Variants in TGFBR3 observed in about 807,000 individuals in gnomAD.
The protein encoded by TGFBR3 is transforming growth factor beta receptor 3, also known as transforming growth factor beta receptor type 3.
In TGFBR3, 46 loss-of-function variants were observed where a neutral mutation model predicts 87.9. The ratio of observed to expected loss-of-function variants is 0.52; its 90% CI spans 0.41 to 0.67. TGFBR3 has a LOEUF of 0.67. TGFBR3 is among the 30% of genes least tolerant of loss of function. TGFBR3 has a pLI of 0.00. For synonymous variants in TGFBR3, 381 were observed against 391.6 expected (o/e 0.97, Z 0.32); for missense variants, 866 against 1,041.9 (o/e 0.83, Z 2.32).
upstream of TGFBR3, among the ~76,000 whole-genome samples, chr1:91,889,605 T>C (rs956962258): frequency 3.3e-5 from 5 of 152,174 alleles, no homozygotes; most frequent in African/African-American, 1.2e-4. Context: ...AGACGAAAGG[T>C]TTAAAATAAA....
intron 3 of TGFBR3, among the ~76,000 whole-genome samples, chr1:91,768,821 G>A (rs284186): frequency 0.55 from 82,790 of 151,182 alleles, 23,225 homozygotes; most frequent in Middle Eastern, 0.6. Flanking sequence ...ACCCAGTCTC[G>A]GGTATTTCTT....
chr1:91,800,328 A>ATGTGTGTG (rs386417805), intron 2 of TGFBR3, among the ~76,000 whole-genome samples: 45 of 122,624 alleles, frequency 3.7e-4, no homozygotes, highest in African/African-American at 1.1e-3. Context: ...ATATATGTGT[A>ATGTGTGTG]TATGTGTGTG....
chr1:91,729,867 G>C lies in TGFBR3; in HGVS notation c.675C>G (p.Ser225Arg), dbSNP rs1421440617. 1 of 1,614,056 alleles carries C rather than the reference G, an allele frequency of 6.2e-7. No individual in the cohort carries two copies. The highest frequency in any genetic ancestry group is 8.5e-7 in the Non-Finnish European group (1 of 1,180,036). ...PKAAEGCVMS[S>R]QPQNEEVHII... ...TGTGTACTTCCTCATTCTGGGGCTGGCTGGACATCACACACCCTTCTGCTG... is the reference window on the plus strand; with the variant it reads ...TGTGTACTTCCTCATTCTGGGGCTGCCTGGACATCACACACCCTTCTGCTG... The change falls in exon 6 of 17, where the codon AGC becomes AGG. Residue 225 changes from serine (S) to arginine (R), a missense_variant. Transcript: ENST00000212355.
intron 2 of TGFBR3, among the ~76,000 whole-genome samples, chr1:91,811,739 G>A (rs577990892): frequency 3.3e-5 from 5 of 152,252 alleles, no homozygotes; most frequent in African/African-American, 1.2e-4. Flanking sequence ...TTAAAACTGG[G>A]ATAAATGAGA....
intron 13 of TGFBR3, among the ~76,000 whole-genome samples, chr1:91,711,135 T>G (rs1671965677): frequency 1.3e-5 from 2 of 152,188 alleles, no homozygotes; most frequent in Admixed American, 1.3e-4. Context: ...TCTCTACCAC[T>G]GTCCACTAAG....
At chr1:91,856,971 T>G (rs749129136) in intron 2 of TGFBR3, among the ~76,000 whole-genome samples, 7 of 152,234 alleles carry the variant, frequency 4.6e-5, no homozygotes, top group Non-Finnish European at 8.8e-5. Context: ...GTACAAATTA[T>G]TAACCAAACT....
chr1:91,712,703 A>G (rs1613413), intron 12 of TGFBR3, among the ~76,000 whole-genome samples, 161 bp from the exon 13 acceptor site: 142,244 of 152,254 alleles, frequency 0.93, 66,547 homozygotes, highest in South Asian at 0.95. Flanking sequence ...ACACACACAC[A>G]TTGAAAGAAA....
intron 4 of TGFBR3, among the ~76,000 whole-genome samples, chr1:91,746,937 A>G (rs759054998): frequency 1.3e-5 from 2 of 152,162 alleles, no homozygotes; most frequent in Non-Finnish European, 1.5e-5. Flanking sequence ...TCAGTAGTGT[A>G]GGGTAGACAC....
intron 3 of TGFBR3, among the ~76,000 whole-genome samples, chr1:91,780,232 G>A (rs1674712098): frequency 6.6e-6 from 1 of 152,114 alleles, no homozygotes; most frequent in African/African-American, 2.4e-5. Context: ...ATCACAGTCA[G>A]GAATACCACA....
intron 6 of TGFBR3, among the ~76,000 whole-genome samples, chr1:91,728,644 C>T (rs1231415038): frequency 6.6e-6 from 1 of 152,202 alleles, no homozygotes; most frequent in Admixed American, 6.5e-5. Context: ...GAAGCACATT[C>T]ACCAGACTGC....
chr1:91,886,156 C>G (rs552219551), upstream of TGFBR3: 5 of 454,102 alleles, frequency 1.1e-5, no homozygotes, highest in East Asian at 7.0e-5. Flanking sequence ...TCGATTACCC[C>G]CATCAGGCCG....
chr1:91,778,056 T>G (rs1017976925), intron 3 of TGFBR3, among the ~76,000 whole-genome samples: 1 of 152,118 alleles, frequency 6.6e-6, no homozygotes, highest in African/African-American at 2.4e-5. Context: ...AAATTTTTAC[T>G]GTGCAAGGCA....
chr1:91,730,961 C>T lies in TGFBR3; in HGVS notation c.569-988G>A, dbSNP rs148688596. Among the ~76,000 whole-genome samples, 33 of 152,380 alleles carry T rather than the reference C, an allele frequency of 2.2e-4. 1 individual carries two copies. The highest frequency in any genetic ancestry group is 5.5e-4 in the African/African-American group (23 of 41,596). ...CCAGAATCTGAAGACACTCCCACAA[C>T]GGCACATGCCATTTACACAGCACGG... On this transcript the variant is annotated intron_variant, in intron 5 of 16. Coordinates refer to ENST00000212355, the MANE Select transcript of TGFBR3 (RefSeq NM_003243.5).
At chr1:91,735,488 A>G (rs1672936326) in intron 4 of TGFBR3, among the ~76,000 whole-genome samples, 1 of 152,258 alleles carries the variant, frequency 6.6e-6, no homozygotes, top group African/African-American at 2.4e-5. Flanking sequence ...CAGCACTGAG[A>G]TAAAAATGGC....
At chr1:91,703,202 G>A (rs75535818) in intron 14 of TGFBR3, among the ~76,000 whole-genome samples, 30,998 of 151,998 alleles carry the variant, frequency 0.2, 3,368 homozygotes, top group African/African-American at 0.25. Context: ...ACCTCAGCTC[G>A]AGGACAAAAC....
chr1:91,813,040 C>T (rs889829426), intron 2 of TGFBR3, among the ~76,000 whole-genome samples: 9 of 152,142 alleles, frequency 5.9e-5, no homozygotes, highest in Non-Finnish European at 1.0e-4. Flanking sequence ...AATTTTAAGT[C>T]AATCAAGTCT....
At chr1:91,786,184 A>G (rs1259769672) in intron 3 of TGFBR3, 2 of 456,170 alleles carry the variant, frequency 4.4e-6, no homozygotes, top group African/African-American at 4.0e-5. Context: ...CAGAGCACCT[A>G]CCTAGCACAC....
intron 4 of TGFBR3, among the ~76,000 whole-genome samples, chr1:91,739,707 A>G (rs1673086510): frequency 6.6e-6 from 1 of 152,200 alleles, no homozygotes; most frequent in Non-Finnish European, 1.5e-5. Flanking sequence ...CTGCTGCATT[A>G]GTCCATTCTC....
intron 2 of TGFBR3, among the ~76,000 whole-genome samples, chr1:91,810,819 T>C (rs1259302637): frequency 6.6e-6 from 1 of 152,188 alleles, no homozygotes; most frequent in African/African-American, 2.4e-5. Context: ...ATCAACTCAT[T>C]TTTATTATTG....
Sources: allele counts gnomAD v4.1 joint callset (sites outside exome capture counted in the v4.1 genomes callset), GRCh38; gene constraint gnomAD v4.1.1; transcripts MANE v1.5; gene names NCBI Gene and HGNC (gene_info 2026-07-23, HGNC 2026-07-21).